FHOD3: variants seen among roughly 807,000 people sequenced by gnomAD.
FHOD3 encodes the protein formin homology 2 domain containing 3, also known as FH1/FH2 domain-containing protein 3.
FHOD3 carries 90 observed loss-of-function variants against 173.0 expected under a neutral mutation model. That is an observed-to-expected ratio of 0.52 (90% CI 0.44 to 0.62). The LOEUF (loss-of-function observed/expected upper bound fraction) is 0.62. Among genes scored for constraint, FHOD3 ranks in the 20% least tolerant of loss-of-function variants. The probability of loss-of-function intolerance (pLI) is 0.00; values close to 1 mark genes in which losing one functional copy is unlikely to be tolerated. For missense variants in FHOD3, 1,945 were observed against 2,034.7 expected, an observed-to-expected ratio of 0.96 and a Z score of 0.85; for synonymous variants, 828 against 823.0, an observed-to-expected ratio of 1.01 and a Z score of -0.10.
At chr18:36,605,482 G>T (rs561665933) in intron 8 of FHOD3, among the ~76,000 whole-genome samples, 7 of 152,178 alleles carry the variant, frequency 4.6e-5, no homozygotes, top group African/African-American at 1.4e-4. Context: ...GTTAGTTCTG[G>T]CCAAGGAGAC....
At position 36,441,158 on chromosome 18, in the gene FHOD3, C is replaced by G. The variant is rs192782980; in HGVS notation, c.338-60774C>G. Among the ~76,000 whole-genome samples, 23 of 152,128 alleles carry G rather than the reference C, an allele frequency of 1.5e-4. No individual in the cohort carries two copies. In the East Asian group the frequency reaches 4.5e-3, roughly 29 times the overall value. ...TCTTCGCAGCTAGAATATTGCCCAG[C>G]AAGCAGGAGCTCAGTAAAAATGGGT... On this transcript the variant is annotated intron_variant, in intron 3 of 28. Transcript: ENST00000590592.
chr18:36,422,420 A>G (rs532230000), intron 3 of FHOD3, among the ~76,000 whole-genome samples: 27 of 152,344 alleles, frequency 1.8e-4, no homozygotes, highest in African/African-American at 6.0e-4. Context: ...ATTCTTGGCC[A>G]TGGTAAACAA....
chr18:36,513,194 AAC>A lies in FHOD3; in HGVS notation c.511+653_511+654del, dbSNP rs1555735409. On this transcript the variant is annotated intron_variant, in intron 5 of 28. Coordinates refer to ENST00000590592, the MANE Select transcript of FHOD3 (RefSeq NM_001281740.3). The stretch of plus-strand genomic sequence containing the variant: ...CATTTGATCCTGTAAAAAAAAAAAA[AAC>A]AAATAACAAACCTGTGCATAGGCAG... 7.9e-5 allele frequency among the ~76,000 whole-genome samples: 12 copies of A among 151,946 alleles called. No individual in the cohort carries two copies. In the East Asian group the frequency reaches 1.9e-3, roughly 24 times the overall value.
intron 3 of FHOD3, among the ~76,000 whole-genome samples, chr18:36,447,709 C>A (rs1010621591): frequency 1.4e-4 from 21 of 152,174 alleles, no homozygotes; most frequent in African/African-American, 4.6e-4. Flanking sequence ...TAATGAAAAT[C>A]TGAAAGCAAC....
At chr18:36,491,724 C>T (rs888940012) in intron 3 of FHOD3, among the ~76,000 whole-genome samples, 4 of 149,040 alleles carry the variant, frequency 2.7e-5, no homozygotes, top group Non-Finnish European at 4.4e-5. Context: ...AACAGCATCA[C>T]GGTGCTGCCT....
intron 10 of FHOD3, among the ~76,000 whole-genome samples, chr18:36,640,783 C>G (rs924762089): frequency 1.3e-5 from 2 of 152,040 alleles, no homozygotes; most frequent in Non-Finnish European, 2.9e-5. Context: ...TTGTCCAATA[C>G]GAGGCATTAT....
At chr18:36,499,648 C>T (rs1407429980) in intron 3 of FHOD3, among the ~76,000 whole-genome samples, 1 of 152,164 alleles carries the variant, frequency 6.6e-6, no homozygotes, top group African/African-American at 2.4e-5. Context: ...CAGGGTTCTA[C>T]TCCAGGCGTG....
chr18:36,299,837 C>T lies in FHOD3; in HGVS notation c.165+1837C>T, dbSNP rs757836285. On this transcript the variant is annotated intron_variant, in intron 1 of 28. Coordinates refer to ENST00000590592, the MANE Select transcript of FHOD3 (RefSeq NM_001281740.3). Reference sequence around the variant, plus strand: ...AGCCTCAGTCTCAGAATCTTTTGCCCGAAGACCCCTGCAGTATATTTAGAT... The same window carrying T: ...AGCCTCAGTCTCAGAATCTTTTGCCTGAAGACCCCTGCAGTATATTTAGAT... 3.3e-5 allele frequency among the ~76,000 whole-genome samples: 5 copies of T among 152,258 alleles called. No individual in the cohort carries two copies. In the East Asian group the frequency reaches 5.8e-4, roughly 18 times the overall value.
At chr18:36,733,826 T>C (rs937240491) in intron 20 of FHOD3, among the ~76,000 whole-genome samples, 16 of 152,158 alleles carry the variant, frequency 1.1e-4, no homozygotes, top group Non-Finnish European at 4.4e-5. Flanking sequence ...GAGGTACATA[T>C]GCTCCCCAAC....
chr18:36,529,874 C>T (rs2056705173), intron 5 of FHOD3, among the ~76,000 whole-genome samples: 1 of 152,130 alleles, frequency 6.6e-6, no homozygotes, highest in South Asian at 2.1e-4. Flanking sequence ...GGAGTAGAAT[C>T]CCATCGTTCA....
intron 22 of FHOD3, 100 bp downstream of exon 22, chr18:36,742,956 AG>A: frequency 6.9e-7 from 1 of 1,444,144 alleles, no homozygotes; most frequent in South Asian, 1.4e-5. Context: ...CCCAAAGCAC[AG>A]TGGAACAAAT....
At chr18:36,535,698 A>G (rs2056967370) in intron 5 of FHOD3, among the ~76,000 whole-genome samples, 1 of 152,210 alleles carries the variant, frequency 6.6e-6, no homozygotes, top group South Asian at 2.1e-4. Context: ...AATTACTTAA[A>G]ATATTAAAAT....
intron 3 of FHOD3, among the ~76,000 whole-genome samples, chr18:36,394,188 A>G (rs759258243): frequency 1.2e-4 from 18 of 152,206 alleles, no homozygotes; most frequent in Admixed American, 6.5e-4. Flanking sequence ...CCTGGGGAGC[A>G]TGCTATCTGT....
chr18:36,459,648 A>G (rs1251358745), intron 3 of FHOD3, among the ~76,000 whole-genome samples: 1 of 152,214 alleles, frequency 6.6e-6, no homozygotes, highest in Non-Finnish European at 1.5e-5. Flanking sequence ...GATCAAGTAT[A>G]AAAGCAGAGC....
intron 14 of FHOD3, among the ~76,000 whole-genome samples, chr18:36,675,347 T>G (rs1452898912): frequency 1.4e-5 from 2 of 147,548 alleles, no homozygotes; most frequent in Admixed American, 6.8e-5. Context: ...AGTTGGCATC[T>G]TTTTTTTTTT....
chr18:36,704,743 A>G (rs1183334524), intron 17 of FHOD3, among the ~76,000 whole-genome samples: 1 of 152,124 alleles, frequency 6.6e-6, no homozygotes, highest in Admixed American at 6.5e-5. Flanking sequence ...AGAGATCGTG[A>G]GGGCTTCGGA....
intron 3 of FHOD3, among the ~76,000 whole-genome samples, chr18:36,482,452 C>CA (rs1409790972): frequency 6.6e-6 from 1 of 151,602 alleles, no homozygotes; most frequent in Non-Finnish European, 1.5e-5. Flanking sequence ...ACTGCGTGAC[C>CA]CCCCCGCCCC....
At chr18:36,624,076 A>C (rs901122901) in intron 9 of FHOD3, among the ~76,000 whole-genome samples, 1 of 152,198 alleles carries the variant, frequency 6.6e-6, no homozygotes, top group Non-Finnish European at 1.5e-5. Context: ...GAGAACTTGC[A>C]TGTTTGGGGA....
At chr18:36,376,104 A>T (rs1243940624) in intron 3 of FHOD3, among the ~76,000 whole-genome samples, 1 of 152,218 alleles carries the variant, frequency 6.6e-6, no homozygotes, top group Non-Finnish European at 1.5e-5. Flanking sequence ...CTGTTTCCAG[A>T]CACCAGAAAA....
Sources: gnomAD v4.1 joint callset for allele counts (sites outside exome capture counted in the v4.1 genomes callset) on GRCh38, gnomAD v4.1.1 for gene constraint, MANE v1.5 for transcripts, NCBI Gene and HGNC (gene_info 2026-07-23, HGNC 2026-07-21) for gene names.